Variants in ACVR1 observed in about 807,000 individuals in gnomAD.
ACVR1 encodes activin A receptor type 1, also known as activin receptor type-1.
In ACVR1, 38 loss-of-function variants were observed where a neutral mutation model predicts 57.1. That is an observed-to-expected ratio of 0.67 (90% CI 0.51 to 0.87). ACVR1 has a LOEUF of 0.87. ACVR1 is among the 40% of genes least tolerant of loss of function. The probability of loss-of-function intolerance (pLI) is 0.00; values close to 1 mark genes in which losing one functional copy is unlikely to be tolerated. For synonymous variants in ACVR1, 212 were observed against 228.1 expected (o/e 0.93, Z 0.63); for missense variants, 463 against 638.2 (o/e 0.73, Z 2.96).
In ACVR1 at chr2:157,871,511, G is replaced by A. The variant is rs183723294; in HGVS notation, c.-183+4285C>T. 5.1e-3 allele frequency among the ~76,000 whole-genome samples: 773 copies of A among 152,178 alleles called. 4 individuals carry two copies. Among genetic ancestry groups the A allele is most frequent in the South Asian group, 0.022 (105 of 4,820 alleles). On this transcript the variant is annotated intron_variant, in intron 1 of 10. Coordinates refer to ENST00000434821, the MANE Select transcript of ACVR1 (RefSeq NM_001111067.4). ...ACTGCACAAACCTCCACAAAATTTA[G>A]GAAGACTGAAATTTAAAGTTACTTT... is the stretch of plus-strand genomic sequence containing the variant.
chr2:157,750,147 T>C (rs893923040), intron 9 of ACVR1, among the ~76,000 whole-genome samples: 6 of 152,184 alleles, frequency 3.9e-5, no homozygotes, highest in African/African-American at 1.2e-4. Context: ...GCCTTCCCAG[T>C]AGGCTGGTAC....
intron 3 of ACVR1, among the ~76,000 whole-genome samples, chr2:157,797,538 A>G (rs1687166654): frequency 6.6e-6 from 1 of 152,208 alleles, no homozygotes. Flanking sequence ...TTCTCTATCT[A>G]GAAAGATATA....
intron 1 of ACVR1, among the ~76,000 whole-genome samples, chr2:157,852,589 T>A (rs1047248668): frequency 1.3e-5 from 2 of 151,076 alleles, no homozygotes; most frequent in Non-Finnish European, 2.9e-5. Context: ...AAGTGCTGCA[T>A]AAAATGTTGA....
At chr2:157,872,133 G>A (rs1292184574) in intron 1 of ACVR1, among the ~76,000 whole-genome samples, 1 of 152,240 alleles carries the variant, frequency 6.6e-6, no homozygotes, top group East Asian at 1.9e-4. Flanking sequence ...GATCAAAGAA[G>A]GTATTTTGTA....
At chr2:157,855,299 T>TG (rs1187868209) in intron 1 of ACVR1, among the ~76,000 whole-genome samples, 1 of 81,878 alleles carries the variant, frequency 1.2e-5, no homozygotes, top group Non-Finnish European at 2.5e-5. Context: ...TGTGTGTGTG[T>TG]GTGTGTGTGT....
intron 1 of ACVR1, chr2:157,860,321 C>CT (rs745653464): frequency 6.6e-6 from 1 of 152,264 alleles, no homozygotes; most frequent in Non-Finnish European, 1.5e-5. Flanking sequence ...CCCGGACAGT[C>CT]AGTCACCCTA....
intron 1 of ACVR1, among the ~76,000 whole-genome samples, chr2:157,837,555 G>C (rs550412533): frequency 6.6e-6 from 1 of 152,300 alleles, no homozygotes; most frequent in African/African-American, 2.4e-5. Flanking sequence ...GGAAAATAGA[G>C]CGGTACATCT....
chr2:157,746,343 G>A (rs979716148), intron 9 of ACVR1, among the ~76,000 whole-genome samples: 2 of 151,996 alleles, frequency 1.3e-5, no homozygotes, highest in African/African-American at 2.4e-5. Flanking sequence ...TTTAAATAAC[G>A]AAACTGATGT....
At chr2:157,846,139 GT>G (rs916485634) in intron 1 of ACVR1, among the ~76,000 whole-genome samples, 2 of 152,142 alleles carry the variant, frequency 1.3e-5, no homozygotes, top group African/African-American at 4.8e-5. Context: ...AATCACAAAT[GT>G]CCTTTTAAGA....
At chr2:157,782,462 T>A (rs956638412) in intron 3 of ACVR1, among the ~76,000 whole-genome samples, 1 of 152,274 alleles carries the variant, frequency 6.6e-6, no homozygotes, top group Admixed American at 6.5e-5. Context: ...ATAGTCTTTA[T>A]GTTCCTTGCC....
At chr2:157,804,172 A>G (rs1283534293) in intron 2 of ACVR1, among the ~76,000 whole-genome samples, 6 of 152,216 alleles carry the variant, frequency 3.9e-5, no homozygotes, top group African/African-American at 1.4e-4. Context: ...CTTGGACAAC[A>G]CTTCAAGTAA....
At chr2:157,738,719 T>G in intron 9 of ACVR1, 149 bp from the exon 10 acceptor site, 1 of 1,180,658 alleles carries the variant, frequency 8.5e-7, no homozygotes, top group Non-Finnish European at 1.2e-6. Context: ...AAGCTAGAGG[T>G]AGGTCCTAAA....
At chr2:157,756,838 G>A (rs1235674496) in intron 9 of ACVR1, among the ~76,000 whole-genome samples, 1 of 151,514 alleles carries the variant, frequency 6.6e-6, no homozygotes, top group Non-Finnish European at 1.5e-5. Flanking sequence ...ATACGAAGAA[G>A]ATACTTGTAC....
intron 3 of ACVR1, among the ~76,000 whole-genome samples, chr2:157,787,545 T>A (rs536237529): frequency 1.3e-5 from 2 of 152,132 alleles, no homozygotes; most frequent in African/African-American, 4.8e-5. Context: ...GGGAAGAAAG[T>A]CCCAGTGAAT....
At chr2:157,818,056 G>A (rs895784675) in intron 2 of ACVR1, among the ~76,000 whole-genome samples, 3 of 151,772 alleles carry the variant, frequency 2.0e-5, no homozygotes, top group Admixed American at 1.3e-4. Flanking sequence ...CCTGTAAGGT[G>A]AAAAGGATGG....
At chr2:157,779,539 A>T (rs1053595980) in intron 4 of ACVR1, among the ~76,000 whole-genome samples, 2 of 152,086 alleles carry the variant, frequency 1.3e-5, no homozygotes, top group African/African-American at 4.8e-5. Flanking sequence ...CTAGTTTTGG[A>T]TGCTCGTCGT....
At chr2:157,859,896 TAAGA>T (rs1319359778) in intron 1 of ACVR1, among the ~76,000 whole-genome samples, 1 of 152,206 alleles carries the variant, frequency 6.6e-6, no homozygotes, top group African/African-American at 2.4e-5. Flanking sequence ...AGATTATACT[TAAGA>T]AATAAATTCT....
intron 1 of ACVR1, among the ~76,000 whole-genome samples, chr2:157,872,307 C>T (rs1690138273): frequency 6.6e-6 from 1 of 152,170 alleles, no homozygotes; most frequent in South Asian, 2.1e-4. Context: ...TCATCCAGGC[C>T]CTGCTTTAAC....
chr2:157,755,553 C>T (rs1048875050), intron 9 of ACVR1, among the ~76,000 whole-genome samples: 1 of 151,600 alleles, frequency 6.6e-6, no homozygotes, highest in Non-Finnish European at 1.5e-5. Context: ...CATACCATAC[C>T]ATACCATACC....
Sources: allele counts gnomAD v4.1 joint callset (sites outside exome capture counted in the v4.1 genomes callset), GRCh38; gene constraint gnomAD v4.1.1; transcripts MANE v1.5; gene names NCBI Gene and HGNC (gene_info 2026-07-23, HGNC 2026-07-21).